PGLYRP2: variants seen among roughly 807,000 people sequenced by gnomAD.
PGLYRP2 encodes N-acetylmuramoyl-L-alanine amidase.
PGLYRP2 carries 38 observed loss-of-function variants against 46.2 expected under a neutral mutation model. The ratio of observed to expected loss-of-function variants is 0.82; its 90% CI spans 0.64 to 1.08. PGLYRP2 has a LOEUF of 1.08. Ranked by LOEUF, PGLYRP2 falls within the 50% of genes least tolerant of loss-of-function variation. PGLYRP2 has a pLI of 0.00. For synonymous variants in PGLYRP2, 289 were observed against 329.4 expected (o/e 0.88, Z 1.33); for missense variants, 713 against 755.9 (o/e 0.94, Z 0.67).
chr19:15,475,478 G>A lies in PGLYRP2; in HGVS notation c.1132+60C>T, dbSNP rs1048808457. 139 of 1,461,596 alleles carry A rather than the reference G, an allele frequency of 9.5e-5. No homozygotes were observed. The Admixed American group carries it at 2.6e-3, about 27-fold the overall frequency. 90.5% of individuals were successfully genotyped at this position (1,461,596 alleles called of 1,614,324 possible). A position where few individuals can be genotyped will look rare whatever the true frequency, so the allele number is the denominator to read the frequency against. On this transcript the variant is annotated intron_variant, in intron 2 of 4. Coordinates refer to ENST00000340880, the MANE Select transcript of PGLYRP2 (RefSeq NM_052890.4). ...TAGTCCTCAACTTCCCTGAATATAC[G>A]GGGTGGGGGCGTCTGTGTCTGTAAT...
Position 15,476,200 on chromosome 19 carries a change from T to C in PGLYRP2, c.470A>G (p.Asp157Gly). 2 of 1,614,112 alleles carry C rather than the reference T, an allele frequency of 1.2e-6. No homozygotes were observed. Among genetic ancestry groups the C allele is most frequent in the South Asian group, 1.1e-5 (1 of 91,074 alleles). ...APWETGDTFPDVVAIAPDVRA... is the reference protein window; with the variant it reads ...APWETGDTFPGVVAIAPDVRA... ...TACATCTGGAGCAATGGCCACAACA[T>C]CTGGAAAGGTATCTCCAGTCTCCCA... The change falls in exon 2 of 5, where the codon GAT becomes GGT. Residue 157 changes from aspartate to glycine, a missense_variant. Coordinates refer to ENST00000340880, the MANE Select transcript of PGLYRP2 (RefSeq NM_052890.4).
In PGLYRP2 at chr19:15,472,047, G is replaced by T; in HGVS notation, c.1186C>A (p.Arg396Ser). ...AGCGGCAGCTGCAGCAGCTTCGGGC[G>T]GCCCCGATAAGGCGCCGCTCCCCAG... ...CRWGAAPYRGRPKLLQLPLGF... is the reference protein window; with the variant it reads ...CRWGAAPYRGSPKLLQLPLGF... The change falls in exon 3 of 5, where the codon CGC becomes AGC. Residue 396 changes from arginine to serine, a missense_variant. Arg to Ser is a moderately radical substitution (Grantham distance 110). Coordinates refer to ENST00000340880, the MANE Select transcript of PGLYRP2 (RefSeq NM_052890.4). The T allele has an allele frequency of 6.2e-7, 1 of 1,610,860 alleles. No individual in the cohort carries two copies. Among genetic ancestry groups the T allele is most frequent in the Non-Finnish European group, 8.5e-7 (1 of 1,179,918 alleles).
In PGLYRP2 at chr19:15,469,491, T is replaced by A. The variant is rs745613715; in HGVS notation, c.1641+141A>T. The A allele has an allele frequency of 5.0e-5, 61 of 1,212,074 alleles. 1 individual carries two copies. The South Asian group carries it at 7.5e-4, about 15-fold the overall frequency. The allele number at this position is 1,212,074 out of a possible 1,614,324, so 75.1% of individuals were successfully genotyped here. On this transcript the variant is annotated intron_variant, in intron 4 of 4. Coordinates refer to ENST00000340880, the MANE Select transcript of PGLYRP2 (RefSeq NM_052890.4). The surrounding 1 kb of genome is among the most constrained non-coding windows in gnomAD (Gnocchi z 4.9). ...CCGCAAAGGCTGGGCCTAGGTTTCCTGAATAGACGTGCCGCCGGGAAGTTG... is the reference window on the plus strand; with the variant it reads ...CCGCAAAGGCTGGGCCTAGGTTTCCAGAATAGACGTGCCGCCGGGAAGTTG...
At chr19:15,471,866 C>A in intron 3 of PGLYRP2, 24 bp downstream of exon 3, 1 of 1,607,042 alleles carries the variant, frequency 6.2e-7, no homozygotes, top group Non-Finnish European at 8.5e-7. Context: ...GGCCCCGCCC[C>A]CTCCCCGGTC....
At chr19:15,478,562 C>G (rs1311933782) in intron 1 of PGLYRP2, among the ~76,000 whole-genome samples, 1 of 151,664 alleles carries the variant, frequency 6.6e-6, no homozygotes, top group Middle Eastern at 3.2e-3. Context: ...GCATCTGAAG[C>G]ACAGAGAGGT....
intron 3 of PGLYRP2, among the ~76,000 whole-genome samples, chr19:15,471,597 G>A (rs1277572560): frequency 6.6e-6 from 1 of 152,008 alleles, no homozygotes; most frequent in East Asian, 1.9e-4. Context: ...TCTCTGCCTG[G>A]CCCCAGACCC....
intron 2 of PGLYRP2, among the ~76,000 whole-genome samples, chr19:15,473,164 T>C (rs1970764771): frequency 6.6e-6 from 1 of 152,006 alleles, no homozygotes; most frequent in Non-Finnish European, 1.5e-5. Context: ...CCCTAACTCT[T>C]ACCATATACA....
chr19:15,469,821 G>T lies in PGLYRP2; in HGVS notation c.1452C>A (p.Gly484=). 6.5e-7 allele frequency: 1 copy of T among 1,526,878 alleles called. No individual in the cohort carries two copies. Among genetic ancestry groups the T allele is most frequent in the Non-Finnish European group, 8.7e-7 (1 of 1,147,536 alleles). The allele number at this position is 1,526,878 out of a possible 1,614,324, so 94.6% of individuals were successfully genotyped here. A position where few individuals can be genotyped will look rare whatever the true frequency, so the allele number is the denominator to read the frequency against. Residue 484 remains glycine, a synonymous_variant, in exon 4 of 5, where the codon GGC becomes GGA. Transcript: ENST00000340880. This position sits in a 1 kb window ranked among gnomAD's most constrained non-coding sequence, Gnocchi z 4.9. ...CGGTGGGCAGCGCCGCGGTGTAGTTGCCCACTATGGCCACGCCGAAGCCCC... is the reference window on the plus strand; with the variant it reads ...CGGTGGGCAGCGCCGCGGTGTAGTTTCCCACTATGGCCACGCCGAAGCCCC... The part of the protein sequence containing the change: ...NSRGFGVAIV[G]NYTAALPTEA...
chr19:15,473,413 T>C (rs1367137154), intron 2 of PGLYRP2, among the ~76,000 whole-genome samples: 1 of 130,188 alleles, frequency 7.7e-6, no homozygotes, highest in Non-Finnish European at 1.5e-5. Context: ...GAGGTTGCAG[T>C]GAGCTGAGAT....
At position 15,474,060 on chromosome 19, in the gene PGLYRP2, G is replaced by A. The variant is rs55999570; in HGVS notation, c.1132+1478C>T. On this transcript the variant is annotated intron_variant, in intron 2 of 4. Coordinates refer to ENST00000340880, the MANE Select transcript of PGLYRP2 (RefSeq NM_052890.4). The stretch of plus-strand genomic sequence containing the variant: ...CTATTATTAAAAAGACAGAAAAGCC[G>A]GGTGATGGCTCACGACTGTAACCCC... Among the ~76,000 whole-genome samples, 1,303 of 152,200 alleles carry A rather than the reference G, an allele frequency of 8.6e-3. 22 individuals are homozygous for A. Among genetic ancestry groups the A allele is most frequent in the African/African-American group, 0.03 (1,233 of 41,534 alleles).
chr19:15,476,304 C>T lies in PGLYRP2; in HGVS notation c.366G>A (p.Glu122=). 1 of 1,614,178 alleles carries T rather than the reference C, an allele frequency of 6.2e-7. No homozygotes were observed. Among genetic ancestry groups the T allele is most frequent in the Non-Finnish European group, 8.5e-7 (1 of 1,180,028 alleles). Residue 122 remains glutamate, a synonymous_variant, in exon 2 of 5, where the codon GAG becomes GAA. Transcript: ENST00000340880. The part of the protein sequence containing the change: ...LAPDGSTVAV[E]PLLAGLEAGL... Reference sequence around the variant, plus strand: ...CTGCCTCCAGCCCCGCCAGCAGAGGCTCCACAGCCACGGTCGAGCCATCAG... The same window carrying T: ...CTGCCTCCAGCCCCGCCAGCAGAGGTTCCACAGCCACGGTCGAGCCATCAG...
chr19:15,475,877 C>T lies in PGLYRP2; in HGVS notation c.793G>A (p.Ala265Thr). The T allele has an allele frequency of 6.2e-7, 1 of 1,614,040 alleles. No homozygotes were observed. Among genetic ancestry groups the T allele is most frequent in the East Asian group, 2.2e-5 (1 of 44,868 alleles). The part of the protein sequence containing the change: ...PRTFTLLDPK[A>T]SLLTMAFLNG... ...AGGAAGGCCATGGTTAACAGAGATG[C>T]CTTGGGGTCCAAAAGCGTAAAGGTC... is the stretch of plus-strand genomic sequence containing the variant. Residue 265 changes from alanine to threonine, a missense_variant, in exon 2 of 5, where the codon GCA (alanine) becomes ACA (threonine). By Grantham distance (58) the Ala-to-Thr change is moderately conservative. Coordinates refer to ENST00000340880, the MANE Select transcript of PGLYRP2 (RefSeq NM_052890.4).
rs988168816 is a variant in PGLYRP2, at chr19:15,471,912, C to T, written c.1321G>A (p.Gly441Ser). Residue 441 changes from glycine (G) to serine (S), a missense_variant, in exon 3 of 5, where the codon GGC becomes AGC. Coordinates refer to ENST00000340880, the MANE Select transcript of PGLYRP2 (RefSeq NM_052890.4). ...TACCTGTAGCCGATGTCTCCCCAGC[C>T]TTGCGTGTCCTGGTGGTAGCGCTGC... is the stretch of plus-strand genomic sequence containing the variant. ...SMQRYHQDTQ[G>S]WGDIGYSFVV... 39 of 1,613,934 alleles carry T rather than the reference C, an allele frequency of 2.4e-5. No individual in the cohort carries two copies. Among genetic ancestry groups the T allele is most frequent in the Non-Finnish European group, 3.2e-5 (38 of 1,179,950 alleles).
intron 4 of PGLYRP2, 27 bp from the exon 5 acceptor site, chr19:15,468,779 C>T (rs1426628956): frequency 1.3e-6 from 2 of 1,580,966 alleles, no homozygotes; most frequent in Non-Finnish European, 1.7e-6. Context: ...GAGTGTGAGG[C>T]TTGGGGGTGG....
rs1196247914 is a variant in PGLYRP2 at position 15,469,653 on chromosome 19, G to A, written c.1620C>T (p.Arg540=). The change falls in exon 4 of 5, where the codon CGC becomes CGT. Residue 540 remains arginine, a synonymous_variant. Transcript: ENST00000340880. This position sits in a 1 kb window ranked among gnomAD's most constrained non-coding sequence, Gnocchi z 4.9. ...TCACCGCGGTGAAGTGCGGCCAGGT[G>A]CGCAGCAGGTCGAAGAGCGCGTCGC... The part of the protein sequence containing the change: ...CPGDALFDLL[R]TWPHFTATVK... The A allele has an allele frequency of 6.4e-7, 1 of 1,567,622 alleles. No individual in the cohort carries two copies. The highest frequency in any genetic ancestry group is 8.6e-7 in the Non-Finnish European group (1 of 1,161,166).
At chr19:15,474,858 A>C (rs1468136441) in intron 2 of PGLYRP2, among the ~76,000 whole-genome samples, 1 of 151,932 alleles carries the variant, frequency 6.6e-6, no homozygotes, top group African/African-American at 2.4e-5. Flanking sequence ...ATGGTGGCAC[A>C]TGCCTGTAGT....
At chr19:15,472,508 G>T (rs1448767821) in intron 2 of PGLYRP2, among the ~76,000 whole-genome samples, 1 of 152,042 alleles carries the variant, frequency 6.6e-6, no homozygotes, top group African/African-American at 2.4e-5. Flanking sequence ...GAGACAACTT[G>T]CTTGAGCCTG....
chr19:15,476,569 A>G lies in PGLYRP2; in HGVS notation c.101T>C (p.Leu34Pro), dbSNP rs753245876. 1 of 1,611,908 alleles carries G rather than the reference A, an allele frequency of 6.2e-7. No homozygotes were observed. The highest frequency in any genetic ancestry group is 8.5e-7 in the Non-Finnish European group (1 of 1,179,056). Residue 34 changes from leucine to proline, a missense_variant, in exon 2 of 5, where the codon CTG becomes CCG. Leu to Pro is a moderately conservative substitution (Grantham distance 98). Coordinates refer to ENST00000340880, the MANE Select transcript of PGLYRP2 (RefSeq NM_052890.4). ...PLLMDSVIQA[L>P]AELEQKVPAA... Reference sequence around the variant, plus strand: ...TGGCACTTTCTGCTCCAGCTCAGCCAGGGCCTGGATGACAGAGTCCATGAG... The same window carrying G: ...TGGCACTTTCTGCTCCAGCTCAGCCGGGGCCTGGATGACAGAGTCCATGAG...
intron 3 of PGLYRP2, 78 bp downstream of exon 3, chr19:15,471,812 C>A (rs1417455490): frequency 5.4e-6 from 8 of 1,481,384 alleles, no homozygotes; most frequent in Non-Finnish European, 6.4e-6. Context: ...AAGCCCGGTC[C>A]CCTGCATCAG....
Sources: gnomAD v4.1 joint callset for allele counts (sites outside exome capture counted in the v4.1 genomes callset) on GRCh38, gnomAD v4.1.1 for gene constraint, Gnocchi (gnomAD v3.1) non-coding constraint, MANE v1.5 for transcripts, NCBI Gene and HGNC (gene_info 2026-07-23, HGNC 2026-07-21) for gene names.